Variants in TRDN observed in about 807,000 individuals in gnomAD.
TRDN encodes the protein triadin.
In TRDN, 161 loss-of-function variants were observed where a neutral mutation model predicts 149.7. That is an observed-to-expected ratio of 1.08 (90% CI 0.95 to 1.23). The LOEUF is 1.23. Among genes scored for constraint, TRDN ranks in the 50% most tolerant of loss-of-function variants. The pLI, the probability that TRDN is intolerant of heterozygous loss-of-function variation, is 0.00. For missense variants in TRDN, 896 were observed against 823.5 expected (o/e 1.09, Z -1.08); for synonymous variants, 294 against 250.5 (o/e 1.17, Z -1.64).
intron 12 of TRDN, among the ~76,000 whole-genome samples, chr6:123,411,131 C>T (rs1773422716): frequency 6.6e-6 from 1 of 151,278 alleles, no homozygotes; most frequent in Admixed American, 6.6e-5. Flanking sequence ...ACTGCAACCT[C>T]CACCTCCTGG....
chr6:123,516,129 G>A lies in TRDN; in HGVS notation c.550+12C>T, dbSNP rs2114871069. Reference sequence around the variant, plus strand: ...CTCAGTGTGTTAAACAGTAATAAAAGTAACTTCATACCTTTCTTTTCAGGT... The same window carrying A: ...CTCAGTGTGTTAAACAGTAATAAAAATAACTTCATACCTTTCTTTTCAGGT... On this transcript the variant is annotated intron_variant, in intron 6 of 40. Transcript: ENST00000334268. The A allele has an allele frequency of 2.0e-6, 3 of 1,476,668 alleles. No homozygotes were observed. Among genetic ancestry groups the A allele is most frequent in the Non-Finnish European group, 2.7e-6 (3 of 1,103,134 alleles). 91.5% of individuals were successfully genotyped at this position (1,476,668 alleles called of 1,614,324 possible). A position where few individuals can be genotyped will look rare whatever the true frequency, so the allele number is the denominator to read the frequency against.
intron 38 of TRDN, among the ~76,000 whole-genome samples, chr6:123,243,466 C>A (rs1293837075): frequency 1.3e-5 from 2 of 152,062 alleles, no homozygotes; most frequent in African/African-American, 4.8e-5. Flanking sequence ...CAAAAACAAT[C>A]AAAATACTGA....
At chr6:123,342,257 A>T (rs1338684737) in intron 21 of TRDN, among the ~76,000 whole-genome samples, 3 of 151,976 alleles carry the variant, frequency 2.0e-5, no homozygotes, top group African/African-American at 7.2e-5. Context: ...ATAAGAAATT[A>T]GATATGCATT....
chr6:123,618,866 C>A (rs1785236251), intron 1 of TRDN, among the ~76,000 whole-genome samples: 1 of 152,140 alleles, frequency 6.6e-6, no homozygotes, highest in South Asian at 2.1e-4. Flanking sequence ...CTCTCTCCTC[C>A]TCTTCTTCCT....
chr6:123,474,877 C>T (rs1451847780), intron 9 of TRDN, among the ~76,000 whole-genome samples: 11 of 151,910 alleles, frequency 7.2e-5, no homozygotes, highest in African/African-American at 1.5e-4. Context: ...TTGAAACCAA[C>T]GAGAACAAAG....
chr6:123,279,922 C>G (rs1339828723), intron 24 of TRDN, among the ~76,000 whole-genome samples: 3 of 152,092 alleles, frequency 2.0e-5, no homozygotes, highest in African/African-American at 7.2e-5. Flanking sequence ...TCTAATTACT[C>G]CTCATACTGG....
chr6:123,346,609 T>A (rs1277371709), intron 21 of TRDN, among the ~76,000 whole-genome samples: 2 of 151,924 alleles, frequency 1.3e-5, no homozygotes, highest in African/African-American at 4.8e-5. Context: ...AATGACAGAG[T>A]GTCTCTCCTG....
intron 10 of TRDN, among the ~76,000 whole-genome samples, chr6:123,446,609 A>AAG (rs1775389705): frequency 1.4e-5 from 2 of 147,854 alleles, no homozygotes; most frequent in Non-Finnish European, 3.0e-5. Context: ...AAAAAAAAAA[A>AAG]GAAGAGCTAG....
At chr6:123,521,123 G>T (rs1028347319) in intron 5 of TRDN, among the ~76,000 whole-genome samples, 2 of 152,118 alleles carry the variant, frequency 1.3e-5, no homozygotes, top group African/African-American at 4.8e-5. Context: ...AACTGAAGGA[G>T]TTCTAGACAA....
At chr6:123,590,856 G>C (rs1310767882) in intron 1 of TRDN, among the ~76,000 whole-genome samples, 2 of 152,092 alleles carry the variant, frequency 1.3e-5, no homozygotes, top group African/African-American at 4.8e-5. Context: ...CCCCTGCCCT[G>C]GCCTGTGGAA....
intron 9 of TRDN, among the ~76,000 whole-genome samples, chr6:123,493,671 G>A (rs1208554615): frequency 1.3e-5 from 2 of 152,118 alleles, no homozygotes; most frequent in African/African-American, 2.4e-5. Context: ...CAATACAGGT[G>A]TTACACTAAT....
intron 10 of TRDN, among the ~76,000 whole-genome samples, chr6:123,449,316 A>G (rs1304566206): frequency 6.6e-6 from 1 of 152,190 alleles, no homozygotes. Context: ...AAGGAAATCC[A>G]AAAAACAATA....
intron 4 of TRDN, 24 bp downstream of exon 4, chr6:123,547,315 AT>A (rs1324518199): frequency 1.4e-6 from 2 of 1,379,380 alleles, no homozygotes; most frequent in Admixed American, 5.6e-5. Flanking sequence ...AAAAATAATT[AT>A]TATCAAAGGT....
At chr6:123,267,390 A>G (rs1204519047) in intron 32 of TRDN, among the ~76,000 whole-genome samples, 3 of 152,110 alleles carry the variant, frequency 2.0e-5, no homozygotes, top group Admixed American at 6.6e-5. Flanking sequence ...TTTTAAAACT[A>G]TCAACTTAAT....
At chr6:123,240,624 TG>T (rs1440418273) in intron 38 of TRDN, among the ~76,000 whole-genome samples, 1 of 151,920 alleles carries the variant, frequency 6.6e-6, no homozygotes, top group Non-Finnish European at 1.5e-5. Context: ...TTTAGACAAA[TG>T]AATTCAAAAC....
intron 1 of TRDN, among the ~76,000 whole-genome samples, chr6:123,604,294 G>C (rs1375605705): frequency 6.6e-6 from 1 of 152,222 alleles, no homozygotes; most frequent in East Asian, 1.9e-4. Flanking sequence ...GGGGCAGCAT[G>C]TGTAAAAGCT....
chr6:123,458,758 C>T (rs1055250096), intron 10 of TRDN, among the ~76,000 whole-genome samples: 9 of 152,076 alleles, frequency 5.9e-5, no homozygotes, highest in African/African-American at 2.2e-4. Flanking sequence ...CTGACCTGCT[C>T]TTTAGTTATG....
chr6:123,278,129 T>A (rs545459515), intron 26 of TRDN, among the ~76,000 whole-genome samples, 189 bp downstream of exon 26: 197 of 152,284 alleles, frequency 1.3e-3, no homozygotes, highest in Middle Eastern at 6.8e-3. Flanking sequence ...ATATTTCACC[T>A]ATGCAAATAG....
Position 123,417,443 on chromosome 6 carries a change from A to G in TRDN, c.1051+20620T>C, listed in dbSNP as rs182426469. 3.3e-3 allele frequency among the ~76,000 whole-genome samples: 496 copies of G among 152,272 alleles called. 6 individuals carry two copies. The highest frequency in any genetic ancestry group is 4.7e-3 in the Non-Finnish European group (321 of 68,014). On this transcript the variant is annotated intron_variant, in intron 12 of 40. Transcript: ENST00000334268. Reference sequence around the variant, plus strand: ...ATTCTTTATATTCTAATGCAGGAAGACTGGTAGCAATGTATATAAATAACA... The same window carrying G: ...ATTCTTTATATTCTAATGCAGGAAGGCTGGTAGCAATGTATATAAATAACA...
Sources: allele counts gnomAD v4.1 joint callset (sites outside exome capture counted in the v4.1 genomes callset), GRCh38; gene constraint gnomAD v4.1.1; transcripts MANE v1.5; gene names NCBI Gene and HGNC (gene_info 2026-07-23, HGNC 2026-07-21).